Variants in CNTNAP3B observed in about 807,000 individuals in gnomAD.
CNTNAP3B encodes contactin-associated protein-like 3B.
In CNTNAP3B, 25 loss-of-function variants were observed where a neutral mutation model predicts 108.9. The observed-to-expected ratio is 0.23, with a 90% CI of 0.17 to 0.32. The LOEUF (loss-of-function observed/expected upper bound fraction) is 0.32, where lower values mean the gene tolerates loss of function less well. Ranked by LOEUF, CNTNAP3B falls within the 10% of genes least tolerant of loss-of-function variation. The probability of loss-of-function intolerance (pLI) is 1.00; values close to 1 mark genes in which losing one functional copy is unlikely to be tolerated. For missense variants in CNTNAP3B, 252 were observed against 1,210.4 expected (o/e 0.21, Z 11.75); for synonymous variants, 103 against 473.4 (o/e 0.22, Z 10.16).
intron 10 of CNTNAP3B, among the ~76,000 whole-genome samples, chr9:41,969,625 G>A (rs1251314609): frequency 1.6e-4 from 24 of 152,278 alleles, no homozygotes; most frequent in Middle Eastern, 6.8e-3. Context: ...TGCAGTTTTT[G>A]TTTTTGTTTT....
intron 2 of CNTNAP3B, among the ~76,000 whole-genome samples, chr9:42,096,866 A>G (rs1800151078): frequency 8.0e-6 from 1 of 125,364 alleles, no homozygotes; most frequent in Non-Finnish European, 1.7e-5. Flanking sequence ...CAAGCAAAAT[A>G]CTAACTTTGT....
At chr9:41,929,181 G>T (rs1324072759) in intron 15 of CNTNAP3B, 136 bp downstream of exon 15, 1 of 1,351,962 alleles carries the variant, frequency 7.4e-7, no homozygotes, top group African/African-American at 1.6e-5. Flanking sequence ...TTTATGGTAT[G>T]TGTGTTTTCC....
At chr9:41,990,333 G>A (rs1458894554) in intron 8 of CNTNAP3B, among the ~76,000 whole-genome samples, 2 of 126,366 alleles carry the variant, frequency 1.6e-5, no homozygotes, top group African/African-American at 3.2e-5. Context: ...TTATTCGTGA[G>A]GAAATGGAAA....
In CNTNAP3B at chr9:41,968,801, C is replaced by T. The variant is rs184486934; in HGVS notation, c.1649+1273G>A. 6.2e-3 allele frequency among the ~76,000 whole-genome samples: 850 copies of T among 137,224 alleles called. 2 individuals carry two copies. The East Asian group carries it at 0.13, about 21-fold the overall frequency. The allele number at this position is 137,224 out of a possible 152,430, so 90.0% of individuals were successfully genotyped here. On this transcript the variant is annotated intron_variant, in intron 10 of 23. Coordinates refer to ENST00000377561, the MANE Select transcript of CNTNAP3B (RefSeq NM_001201380.3). ...AAAGTTCTACCAGATGCAGATATAA[C>T]TTTTTTTTTTTTTTTGAGAAGAGTC...
chr9:42,122,264 G>T (rs1279313857), intron 1 of CNTNAP3B, among the ~76,000 whole-genome samples: 1 of 139,780 alleles, frequency 7.2e-6, no homozygotes, highest in Non-Finnish European at 1.5e-5. Flanking sequence ...TACTAGCTTA[G>T]TTTTATTATA....
chr9:41,969,651 T>C (rs1452545845), intron 10 of CNTNAP3B, among the ~76,000 whole-genome samples: 4 of 151,966 alleles, frequency 2.6e-5, no homozygotes, highest in Non-Finnish European at 5.9e-5. Flanking sequence ...CGAGTCTCGC[T>C]CTGTCGCCCA....
chr9:42,114,913 G>A (rs891358232), intron 1 of CNTNAP3B, among the ~76,000 whole-genome samples: 1 of 135,046 alleles, frequency 7.4e-6, no homozygotes, highest in African/African-American at 3.0e-5. Context: ...AATTAGCTGG[G>A]CATGGTAGCG....
In CNTNAP3B at chr9:41,947,214, T is replaced by C. The variant is rs1824553504; in HGVS notation, c.2080+5969A>G. On this transcript the variant is annotated intron_variant, in intron 13 of 23. Transcript: ENST00000377561. ...CACTTAAGAATAGCAGAATATACATTTTTTTTTCAAATGCCCATGAAAAAT... is the reference window on the plus strand; with the variant it reads ...CACTTAAGAATAGCAGAATATACATCTTTTTTTCAAATGCCCATGAAAAAT... 6.6e-5 allele frequency among the ~76,000 whole-genome samples: 10 copies of C among 151,098 alleles called. No homozygotes were observed. In the South Asian group the frequency reaches 2.1e-3, roughly 32 times the overall value.
rs185183606 is a variant in CNTNAP3B, at chr9:42,113,831, G to T, written c.86-9092C>A. Among the ~76,000 whole-genome samples the T allele has an allele frequency of 1.4e-5, 2 of 139,478 alleles. 1 individual carries two copies. Among genetic ancestry groups the T allele is most frequent in the East Asian group, 4.3e-4 (2 of 4,620 alleles). The allele number at this position is 139,478 out of a possible 152,430, so 91.5% of individuals were successfully genotyped here. On this transcript the variant is annotated intron_variant, in intron 1 of 23. Transcript: ENST00000377561. ...TTTGCAACTCGAAGGATAATTGCTT[G>T]AGGGGATGGATACTCCATTTTTCTT...
chr9:41,967,323 C>A (rs1825310901), intron 10 of CNTNAP3B, among the ~76,000 whole-genome samples: 1 of 152,240 alleles, frequency 6.6e-6, no homozygotes, highest in South Asian at 2.1e-4. Context: ...CTCACGAGAT[C>A]TGATGGTTTT....
rs1424502405 is a variant in CNTNAP3B at position 42,094,370 on chromosome 9, G to A, written c.196+10259C>T. On this transcript the variant is annotated intron_variant, in intron 2 of 23. Coordinates refer to ENST00000377561, the MANE Select transcript of CNTNAP3B (RefSeq NM_001201380.3). ...TTTAAAAAAAAAAAACAAAGAGGGC[G>A]GGGGCTGGGTATGGTGGCTCAGGCC... 9.1e-5 allele frequency among the ~76,000 whole-genome samples: 12 copies of A among 132,538 alleles called. 3 individuals are homozygous for A. The highest frequency in any genetic ancestry group is 2.8e-4 in the African/African-American group (9 of 32,708). 87.0% of individuals were successfully genotyped at this position (132,538 alleles called of 152,430 possible).
At position 42,078,804 on chromosome 9, in the gene CNTNAP3B, C is replaced by A. The variant is rs1346107228; in HGVS notation, c.197-1742G>T. Among the ~76,000 whole-genome samples, 5 of 149,556 alleles carry A rather than the reference C, an allele frequency of 3.3e-5. 1 individual carries two copies. Among genetic ancestry groups the A allele is most frequent in the African/African-American group, 5.1e-5 (2 of 39,434 alleles). On this transcript the variant is annotated intron_variant, in intron 2 of 23. Transcript: ENST00000377561. ...CCTGCCAGAGACAGTGCACAGATTT[C>A]TTTAGCCCTCAGTAGGAACTACTTC... is the stretch of plus-strand genomic sequence containing the variant.
intron 10 of CNTNAP3B, among the ~76,000 whole-genome samples, chr9:41,969,121 T>C (rs1825368486): frequency 6.6e-6 from 1 of 152,236 alleles, no homozygotes; most frequent in African/African-American, 2.4e-5. Flanking sequence ...AATTTTTAAA[T>C]CTGTAGCATT....
At chr9:42,115,033 G>A (rs1168953310) in intron 1 of CNTNAP3B, among the ~76,000 whole-genome samples, 1 of 135,916 alleles carries the variant, frequency 7.4e-6, no homozygotes, top group East Asian at 2.2e-4. Context: ...CAGCCTAGGT[G>A]ACAGAGCAAG....
rs866511420 is a variant in CNTNAP3B at position 42,123,645 on chromosome 9, T to C, written c.85+5365A>G. 2.2e-5 allele frequency among the ~76,000 whole-genome samples: 3 copies of C among 135,802 alleles called. 1 individual carries two copies. Among genetic ancestry groups the C allele is most frequent in the African/African-American group, 8.9e-5 (3 of 33,874 alleles). The allele number at this position is 135,802 out of a possible 152,430, so 89.1% of individuals were successfully genotyped here. On this transcript the variant is annotated intron_variant, in intron 1 of 23. Coordinates refer to ENST00000377561, the MANE Select transcript of CNTNAP3B (RefSeq NM_001201380.3). The stretch of plus-strand genomic sequence containing the variant: ...TACCAAGTCCAAGCCTTCTAAAAGA[T>C]TCCCAATATGTATATATATCATTTT...
At position 41,938,949 on chromosome 9, in the gene CNTNAP3B, A is replaced by G. The variant is rs1490906303; in HGVS notation, c.2081-549T>C. Among the ~76,000 whole-genome samples, 15 of 152,278 alleles carry G rather than the reference A, an allele frequency of 9.9e-5. No homozygotes were observed. In the East Asian group the frequency reaches 2.7e-3, roughly 27 times the overall value. ...CTCTTTATTTGGAGGTTAAGGAATGACATTGATAGGCTTTTCTCATCTCTG... is the reference window on the plus strand; with the variant it reads ...CTCTTTATTTGGAGGTTAAGGAATGGCATTGATAGGCTTTTCTCATCTCTG... On this transcript the variant is annotated intron_variant, in intron 13 of 23. Transcript: ENST00000377561.
At position 42,037,567 on chromosome 9, in the gene CNTNAP3B, A is replaced by G. The variant is rs1283989320; in HGVS notation, c.391-24042T>C. Among the ~76,000 whole-genome samples, 4 of 123,690 alleles carry G rather than the reference A, an allele frequency of 3.2e-5. 1 individual carries two copies. The Admixed American group carries it at 3.3e-4, about 10-fold the overall frequency. The allele number at this position is 123,690 out of a possible 152,430, so 81.1% of individuals were successfully genotyped here. ...CAAATGAATGAAATGAAGCAAGAAG[A>G]GAAGTTTAGAGAAAAAAGAGTAAAA... is the stretch of plus-strand genomic sequence containing the variant. On this transcript the variant is annotated intron_variant, in intron 3 of 23. Coordinates refer to ENST00000377561, the MANE Select transcript of CNTNAP3B (RefSeq NM_001201380.3).
intron 18 of CNTNAP3B, among the ~76,000 whole-genome samples, chr9:41,916,015 T>A (rs1823508075): frequency 6.6e-6 from 1 of 151,584 alleles, no homozygotes; most frequent in African/African-American, 2.4e-5. Flanking sequence ...TCTTCTCTTT[T>A]GGAACTATTT....
Position 42,129,242 on chromosome 9 carries a change from C to A in CNTNAP3B, c.-148G>T. On this transcript the variant is annotated 5_prime_UTR_variant, in exon 1 of 24. Coordinates refer to ENST00000377561, the MANE Select transcript of CNTNAP3B (RefSeq NM_001201380.3). Reference sequence around the variant, plus strand: ...GTCCAGTCTCTAGCTCTCTTCCTCACGCACTGGCAGCCTCCCTCGGCGCTG... The same window carrying A: ...GTCCAGTCTCTAGCTCTCTTCCTCAAGCACTGGCAGCCTCCCTCGGCGCTG... The A allele has an allele frequency of 1.7e-6, 2 of 1,207,152 alleles. No homozygotes were observed. The highest frequency in any genetic ancestry group is 3.1e-5 in the Admixed American group (1 of 32,656). The allele number at this position is 1,207,152 out of a possible 1,614,324, so 74.8% of individuals were successfully genotyped here.
Sources: allele counts gnomAD v4.1 joint callset (sites outside exome capture counted in the v4.1 genomes callset), GRCh38; gene constraint gnomAD v4.1.1; transcripts MANE v1.5; gene names NCBI Gene and HGNC (gene_info 2026-07-23, HGNC 2026-07-21).